BCL2L1: variants seen among roughly 807,000 people sequenced by gnomAD.
The protein encoded by BCL2L1 is BCL2 like 1, also known as bcl-2-like protein 1.
A neutral mutation model predicts 18.7 loss-of-function variants in BCL2L1; 1 was observed. The ratio of observed to expected loss-of-function variants is 0.05; its 90% CI spans 0.02 to 0.25. BCL2L1 has a LOEUF of 0.25. BCL2L1 is among the 10% of genes least tolerant of loss of function. The pLI, the probability that BCL2L1 is intolerant of heterozygous loss-of-function variation, is 1.00. For synonymous variants in BCL2L1, 103 were observed against 122.7 expected, an observed-to-expected ratio of 0.84 and a Z score of 1.06; for missense variants, 207 against 304.9, an observed-to-expected ratio of 0.68 and a Z score of 2.39.
At chr20:31,705,015 A>T (rs2061349812) in intron 2 of BCL2L1, among the ~76,000 whole-genome samples, 1 of 152,206 alleles carries the variant, frequency 6.6e-6, no homozygotes, top group Admixed American at 6.5e-5. Flanking sequence ...ACTACAGACA[A>T]CTACAATGCT....
At chr20:31,695,366 C>A (rs77962418) in intron 2 of BCL2L1, among the ~76,000 whole-genome samples, 2,178 of 152,362 alleles carry the variant, frequency 0.014, 23 homozygotes, top group Middle Eastern at 0.031. Context: ...CCCCTGGTGA[C>A]GTCTCAGACC....
chr20:31,721,604 T>C (rs758925102), intron 2 of BCL2L1, 51 bp downstream of exon 2: 1 of 1,530,864 alleles, frequency 6.5e-7, no homozygotes, highest in Non-Finnish European at 8.8e-7. Flanking sequence ...CTGTTGGGGA[T>C]CTCTGACCAG....
At chr20:31,718,017 GTCAGT>G (rs1397052446) in intron 2 of BCL2L1, among the ~76,000 whole-genome samples, 2 of 152,232 alleles carry the variant, frequency 1.3e-5, no homozygotes, top group Non-Finnish European at 2.9e-5. Flanking sequence ...AGGGGGAAGA[GTCAGT>G]TCTCTGAGGG....
intron 2 of BCL2L1, among the ~76,000 whole-genome samples, chr20:31,709,632 G>A (rs897342919): frequency 9.2e-5 from 14 of 151,992 alleles, no homozygotes; most frequent in African/African-American, 3.4e-4. Flanking sequence ...AGGAGATCGA[G>A]ACCATCCTGG....
chr20:31,709,770 G>C (rs2061423895), intron 2 of BCL2L1, among the ~76,000 whole-genome samples: 1 of 148,314 alleles, frequency 6.7e-6, no homozygotes, highest in East Asian at 2.0e-4. Flanking sequence ...GGGAGGCGGA[G>C]CTTGCAGTGA....
chr20:31,720,620 C>T, intron 2 of BCL2L1: 1 of 985,174 alleles, frequency 1.0e-6, no homozygotes, highest in Non-Finnish European at 1.2e-6. Flanking sequence ...TGGTGTCAGT[C>T]ACTGTGCTCA....
At chr20:31,719,898 G>A (rs1433521818) in intron 2 of BCL2L1, among the ~76,000 whole-genome samples, 6 of 152,202 alleles carry the variant, frequency 3.9e-5, no homozygotes, top group African/African-American at 1.4e-4. Flanking sequence ...TCCCTACTTG[G>A]AGATGCCTCA....
In BCL2L1 at chr20:31,665,904, A is replaced by G. The variant is rs2060579000; in HGVS notation, c.*45T>C. On this transcript the variant is annotated 3_prime_UTR_variant, in exon 3 of 3. Coordinates refer to ENST00000307677, the MANE Select transcript of BCL2L1 (RefSeq NM_138578.3). ...GGCGGCTGGACGGAGGATGTGGTGG[A>G]GCAGAGAAGGGGGTGGGAGGGTAGA... 3 of 1,600,878 alleles carry G rather than the reference A, an allele frequency of 1.9e-6. No individual in the cohort carries two copies. The Middle Eastern group carries it at 6.5e-4, about 346-fold the overall frequency.
intron 2 of BCL2L1, among the ~76,000 whole-genome samples, chr20:31,698,563 C>T (rs761830260): frequency 6.6e-6 from 1 of 150,470 alleles, no homozygotes; most frequent in African/African-American, 2.4e-5. Context: ...TTTTTGGAGA[C>T]GGTCTCGCTT....
chr20:31,673,619 CCAGCCTGGGCAA>C (rs1421861011), intron 2 of BCL2L1, among the ~76,000 whole-genome samples: 1 of 152,018 alleles, frequency 6.6e-6, no homozygotes, highest in African/African-American at 2.4e-5. Flanking sequence ...CCACTGTACT[CCAGCCTGGGCAA>C]CAGAGTGAGA....
chr20:31,665,844 C>T lies in BCL2L1; in HGVS notation c.*105G>A. The T allele has an allele frequency of 6.9e-7, 1 of 1,453,038 alleles. No individual in the cohort carries two copies. Among genetic ancestry groups the T allele is most frequent in the Non-Finnish European group, 9.4e-7 (1 of 1,062,800 alleles). 90.0% of individuals were successfully genotyped at this position (1,453,038 alleles called of 1,614,324 possible). ...CCCAACCCTGTGATGGGCAGGTGGG[C>T]ATGGGCTGCATGTAGTGGTTCTCCT... On this transcript the variant is annotated 3_prime_UTR_variant, in exon 3 of 3. Coordinates refer to ENST00000307677, the MANE Select transcript of BCL2L1 (RefSeq NM_138578.3).
intron 2 of BCL2L1, among the ~76,000 whole-genome samples, chr20:31,688,470 G>GA (rs2061000604): frequency 1.3e-5 from 2 of 148,584 alleles, no homozygotes; most frequent in African/African-American, 2.5e-5. Context: ...AGAAAGAAAA[G>GA]AAAAAGAAAA....
At chr20:31,701,312 A>G (rs546117783) in intron 2 of BCL2L1, among the ~76,000 whole-genome samples, 2 of 152,288 alleles carry the variant, frequency 1.3e-5, no homozygotes, top group South Asian at 4.1e-4. Context: ...TTGCCCTCCC[A>G]AAGTGCTGGG....
chr20:31,720,229 G>C, intron 2 of BCL2L1: 2 of 905,496 alleles, frequency 2.2e-6, no homozygotes, highest in Non-Finnish European at 2.6e-6. Flanking sequence ...ATGAGAGAGG[G>C]GGTGGGGTTC....
intron 2 of BCL2L1, chr20:31,720,537 A>C (rs2061606418): frequency 1.0e-6 from 1 of 985,432 alleles, no homozygotes; most frequent in Non-Finnish European, 1.2e-6. Flanking sequence ...ACTGGTAAAG[A>C]AGCTTTCACC....
At chr20:31,688,471 AAAAAG>A (rs555815717) in intron 2 of BCL2L1, among the ~76,000 whole-genome samples, 44 of 151,662 alleles carry the variant, frequency 2.9e-4, no homozygotes, top group Non-Finnish European at 2.7e-4. Context: ...GAAAGAAAAG[AAAAAG>A]AAAAGAAAAG....
intron 2 of BCL2L1, among the ~76,000 whole-genome samples, chr20:31,676,296 C>T (rs900847690): frequency 1.3e-5 from 2 of 152,096 alleles, no homozygotes; most frequent in African/African-American, 4.8e-5. Context: ...CACAATAATC[C>T]CACCGAGTAC....
chr20:31,693,143 T>A, intron 2 of BCL2L1, among the ~76,000 whole-genome samples: 1 of 136,676 alleles, frequency 7.3e-6, no homozygotes, highest in Non-Finnish European at 1.5e-5. Context: ...AATATATACC[T>A]ATATATATAT....
At chr20:31,671,139 C>A (rs1478427648) in intron 2 of BCL2L1, among the ~76,000 whole-genome samples, 1 of 151,992 alleles carries the variant, frequency 6.6e-6, no homozygotes, top group Admixed American at 6.6e-5. Context: ...GGGCCACTGG[C>A]GACAGGCAAT....
Sources: allele counts gnomAD v4.1 joint callset (sites outside exome capture counted in the v4.1 genomes callset), GRCh38; gene constraint gnomAD v4.1.1; transcripts MANE v1.5; gene names NCBI Gene and HGNC (gene_info 2026-07-23, HGNC 2026-07-21).